RYR3: variants seen among roughly 807,000 people sequenced by gnomAD.
RYR3 encodes the protein brain ryanodine receptor-calcium release channel.
In RYR3, 207 loss-of-function variants were observed where a neutral mutation model predicts 584.3. That is an observed-to-expected ratio of 0.35 (90% CI 0.32 to 0.40). The LOEUF (loss-of-function observed/expected upper bound fraction) is 0.40. Ranked by LOEUF, RYR3 falls within the 10% of genes least tolerant of loss-of-function variation. The pLI, the probability that RYR3 is intolerant of heterozygous loss-of-function variation, is 1.00. For synonymous variants in RYR3, 2,416 were observed against 2,248.5 expected (o/e 1.07, Z -2.11); for missense variants, 5,616 against 6,089.2 (o/e 0.92, Z 2.59).
At chr15:33,694,657 C>G (rs192435765) in intron 38 of RYR3, among the ~76,000 whole-genome samples, 7 of 152,248 alleles carry the variant, frequency 4.6e-5, no homozygotes, top group Admixed American at 1.3e-4. Context: ...TCTGAGGAAA[C>G]AGGTTTCTGA....
At chr15:33,857,943 CCA>C in intron 99 of RYR3, 29 bp downstream of exon 99, 1 of 1,610,158 alleles carries the variant, frequency 6.2e-7, no homozygotes, top group Non-Finnish European at 8.5e-7. Flanking sequence ...CGGGGCCAGC[CCA>C]CCCACTGCGG....
At chr15:33,506,088 T>C (rs2052462037) in intron 3 of RYR3, among the ~76,000 whole-genome samples, 1 of 152,208 alleles carries the variant, frequency 6.6e-6, no homozygotes, top group Non-Finnish European at 1.5e-5. Context: ...AGAAAGTAAA[T>C]TCAAAAGTTC....
intron 11 of RYR3, among the ~76,000 whole-genome samples, chr15:33,563,615 C>G (rs2057535756): frequency 6.6e-6 from 1 of 152,110 alleles, no homozygotes; most frequent in Non-Finnish European, 1.5e-5. Flanking sequence ...TAATGGATGT[C>G]AAAGATGTGA....
chr15:33,332,797 G>A (rs970552707), intron 1 of RYR3, among the ~76,000 whole-genome samples: 1 of 152,010 alleles, frequency 6.6e-6, no homozygotes, highest in African/African-American at 2.4e-5. Flanking sequence ...TATATGTGTT[G>A]TAGCTCAAGC....
At chr15:33,487,424 C>T (rs921979306) in intron 2 of RYR3, among the ~76,000 whole-genome samples, 2 of 152,276 alleles carry the variant, frequency 1.3e-5, no homozygotes, top group South Asian at 2.1e-4. Context: ...TTTAATCCTG[C>T]TGTCTTCTGG....
rs752382352 is a variant in RYR3, at chr15:33,662,462, G to A, written c.4932G>A (p.Pro1644=). Reference sequence around the variant, plus strand: ...CCACCAGGAATATCCGCCTCTTCCCGGACGAGTCCAAGAGGCATGGACTGC... The same window carrying A: ...CCACCAGGAATATCCGCCTCTTCCCAGACGAGTCCAAGAGGCATGGACTGC... ...TSTTRNIRLF[P]DESKRHGLPG... is the part of the protein sequence containing the mutation. The change falls in exon 35 of 104, where the codon CCG becomes CCA. Residue 1644 remains proline (P), a synonymous_variant. Transcript: ENST00000634891. 20 of 1,613,970 alleles carry A rather than the reference G, an allele frequency of 1.2e-5. No individual in the cohort carries two copies. The highest frequency in any genetic ancestry group is 3.3e-5 in the Admixed American group (2 of 60,012).
intron 65 of RYR3, 68 bp downstream of exon 65, chr15:33,780,409 G>A: frequency 1.3e-6 from 2 of 1,540,760 alleles, no homozygotes; most frequent in Non-Finnish European, 1.8e-6. Context: ...CACACAGGCA[G>A]GGAGCAGCAG....
chr15:33,705,406 A>G (rs1334086971), intron 42 of RYR3, among the ~76,000 whole-genome samples: 2 of 151,500 alleles, frequency 1.3e-5, no homozygotes, highest in Admixed American at 6.6e-5. Flanking sequence ...TTGAACAGCT[A>G]CTATGTGCTA....
chr15:33,394,960 A>AC (rs397939637), intron 1 of RYR3, among the ~76,000 whole-genome samples: 1 of 151,920 alleles, frequency 6.6e-6, no homozygotes, highest in African/African-American at 2.4e-5. Flanking sequence ...GCAAAAAAAA[A>AC]CACATACTGA....
intron 36 of RYR3, 142 bp downstream of exon 36, chr15:33,663,879 C>A: frequency 2.9e-6 from 2 of 686,958 alleles, no homozygotes; most frequent in Non-Finnish European, 2.5e-6. Context: ...TACCAGGAGA[C>A]AGGCCTAGTC....
chr15:33,376,971 T>C (rs1322797944), intron 1 of RYR3, among the ~76,000 whole-genome samples: 1 of 152,250 alleles, frequency 6.6e-6, no homozygotes, highest in Non-Finnish European at 1.5e-5. Context: ...TTCTGTTTCA[T>C]TGATCTATTG....
chr15:33,415,643 AGAG>A (rs1482644615), intron 1 of RYR3, among the ~76,000 whole-genome samples: 2 of 152,238 alleles, frequency 1.3e-5, no homozygotes, highest in East Asian at 1.9e-4. Context: ...AAGGCTTCAG[AGAG>A]GAGTTCACAT....
At chr15:33,433,448 G>C (rs2045378562) in intron 1 of RYR3, among the ~76,000 whole-genome samples, 1 of 151,732 alleles carries the variant, frequency 6.6e-6, no homozygotes, top group Non-Finnish European at 1.5e-5. Context: ...TAAACTTCTT[G>C]GGTATTGTGT....
Position 33,749,946 on chromosome 15 carries a change from CT to C in RYR3, c.8200-28del, listed in dbSNP as rs775734175. 3.1e-6 allele frequency: 5 copies of C among 1,598,652 alleles called. 1 individual carries two copies. Among genetic ancestry groups the C allele is most frequent in the South Asian group, 2.3e-5 (2 of 88,434 alleles). On this transcript the variant is annotated intron_variant, in intron 55 of 103. Coordinates refer to ENST00000634891, the MANE Select transcript of RYR3 (RefSeq NM_001036.6). Reference sequence around the variant, plus strand: ...TGAAGCCAGCTTGCCTGCTTTCTTTCTTTTTGACTTGGCTCTTCTTGGTGGG... The same window carrying C: ...TGAAGCCAGCTTGCCTGCTTTCTTTCTTTTGACTTGGCTCTTCTTGGTGGG...
intron 1 of RYR3, among the ~76,000 whole-genome samples, chr15:33,440,972 T>G (rs1387383037): frequency 6.6e-6 from 1 of 152,216 alleles, no homozygotes; most frequent in Non-Finnish European, 1.5e-5. Flanking sequence ...CTCTTTCTTG[T>G]GGTGGTAACG....
intron 1 of RYR3, among the ~76,000 whole-genome samples, chr15:33,336,067 G>T (rs927190324): frequency 1.6e-4 from 25 of 152,124 alleles, no homozygotes; most frequent in Admixed American, 1.3e-4. Flanking sequence ...CCTCCAAAAA[G>T]TAGAAACTTA....
chr15:33,750,411 AT>A, intron 57 of RYR3, 125 bp downstream of exon 57: 3 of 930,306 alleles, frequency 3.2e-6, no homozygotes, highest in Non-Finnish European at 4.7e-6. Context: ...GAACATTTTT[AT>A]TTTAGAACAT....
intron 1 of RYR3, among the ~76,000 whole-genome samples, chr15:33,426,714 T>G (rs2044683515): frequency 6.6e-6 from 1 of 152,218 alleles, no homozygotes; most frequent in South Asian, 2.1e-4. Context: ...TAGTCTTATT[T>G]ACTGGCATCT....
At chr15:33,368,702 G>A (rs17235982) in intron 1 of RYR3, among the ~76,000 whole-genome samples, 17,031 of 152,040 alleles carry the variant, frequency 0.11, 1,071 homozygotes, top group Middle Eastern at 0.16. Context: ...CATGCACCTT[G>A]TCGGAGTGCC....
Sources: allele counts gnomAD v4.1 joint callset (sites outside exome capture counted in the v4.1 genomes callset), GRCh38; gene constraint gnomAD v4.1.1; transcripts MANE v1.5; gene names NCBI Gene and HGNC (gene_info 2026-07-23, HGNC 2026-07-21).